SLC30A2: variants seen among roughly 807,000 people sequenced by gnomAD.
The protein encoded by SLC30A2 is proton-coupled zinc antiporter SLC30A2.
In SLC30A2, 19 loss-of-function variants were observed where a neutral mutation model predicts 39.6. That is an observed-to-expected ratio of 0.48 (90% CI 0.34 to 0.70). SLC30A2 has a LOEUF of 0.70. Among genes scored for constraint, SLC30A2 ranks in the 30% least tolerant of loss-of-function variants. The pLI is 0.01. For missense variants in SLC30A2, 387 were observed against 479.4 expected, an observed-to-expected ratio of 0.81 and a Z score of 1.80; for synonymous variants, 195 against 194.8, an observed-to-expected ratio of 1.00 and a Z score of -0.01.
chr1:26,041,071 T>C (rs2050392067), intron 6 of SLC30A2, among the ~76,000 whole-genome samples: 1 of 151,616 alleles, frequency 6.6e-6, no homozygotes, highest in Non-Finnish European at 1.5e-5. Context: ...CACTCTAGCT[T>C]GGATGACAGA....
In SLC30A2 at chr1:26,039,063, C is replaced by G; in HGVS notation, c.*97G>C. The stretch of plus-strand genomic sequence containing the variant: ...CAGGAGGGGGACCTGGTTTACAACA[C>G]AGCTGGGGTAGGCAAAGTCCTGGCT... On this transcript the variant is annotated 3_prime_UTR_variant, in exon 8 of 8. Coordinates refer to ENST00000374276, the MANE Select transcript of SLC30A2 (RefSeq NM_001004434.3). The surrounding 1 kb of genome is among the most constrained non-coding windows in gnomAD (Gnocchi z 4.3). 5 of 1,538,484 alleles carry G rather than the reference C, an allele frequency of 3.2e-6. No homozygotes were observed. Among genetic ancestry groups the G allele is most frequent in the Non-Finnish European group, 4.4e-6 (5 of 1,137,270 alleles).
rs199594277 is a variant in SLC30A2 at position 26,043,480 on chromosome 1, C to G, written c.490G>C (p.Glu164Gln). ...VTGVLVYLAV[E>Q]RLISGDYEID... is the part of the protein sequence containing the mutation. ...TCATAGTCCCCAGAGATCAGCCGCT[C>G]CACAGCCAGGTACACCAGTACCCCC... The change falls in exon 4 of 8, where the codon GAG becomes CAG. Residue 164 changes from glutamate to glutamine, a missense_variant. By Grantham distance (29) the Glu-to-Gln change is conservative. Coordinates refer to ENST00000374276, the MANE Select transcript of SLC30A2 (RefSeq NM_001004434.3). The G allele has an allele frequency of 4.3e-6, 7 of 1,614,152 alleles. No individual in the cohort carries two copies. In the African/African-American group the frequency reaches 9.3e-5, roughly 22 times the overall value.
Position 26,039,185 on chromosome 1 carries a change from T to C in SLC30A2, c.1094A>G (p.Gln365Arg). ...TCAGTCTGAGGGGCCCTGGCATGCC[T>C]GACAGTCCTTCATGTCCTCCGAGTA... ...EDYSEDMKDC[Q>R]ACQGPSD The change falls in exon 8 of 8, where the codon CAG becomes CGG. Residue 365 changes from glutamine (Q) to arginine (R), a missense_variant. Physicochemically the swap from Gln to Arg is conservative, Grantham distance 43. Coordinates refer to ENST00000374276, the MANE Select transcript of SLC30A2 (RefSeq NM_001004434.3). This position sits in a 1 kb window ranked among gnomAD's most constrained non-coding sequence, Gnocchi z 4.3. 1 of 1,614,068 alleles carries C rather than the reference T, an allele frequency of 6.2e-7. No homozygotes were observed. Among genetic ancestry groups the C allele is most frequent in the Non-Finnish European group, 8.5e-7 (1 of 1,179,932 alleles).
At position 26,045,054 on chromosome 1, in the gene SLC30A2, G is replaced by T. The variant is rs779800415; in HGVS notation, c.214C>A (p.Arg72Ser). ...ATGGCAGAGGCTACATACAGCTGGC[G>T]CTGGGCCTTCCCCTTCTTGGGGTCA... ...HCDPKKGKAQ[R>S]QLYVASAICL... Residue 72 changes from arginine (R) to serine (S), a missense_variant, in exon 2 of 8, where the codon CGC becomes AGC. Physicochemically the swap from Arg to Ser is moderately radical, Grantham distance 110 (BLOSUM62 -1). Transcript: ENST00000374276. 4 of 1,614,120 alleles carry T rather than the reference G, an allele frequency of 2.5e-6. No individual in the cohort carries two copies. Among genetic ancestry groups the T allele is most frequent in the African/African-American group, 2.7e-5 (2 of 74,940 alleles).
In SLC30A2 at chr1:26,043,385, G is replaced by C; in HGVS notation, c.572+13C>G. Reference sequence around the variant, plus strand: ...GGAGGAGGGGAGACGAGGGAAACTGGGGCCCCACTCACATGATGTTCACAG... The same window carrying C: ...GGAGGAGGGGAGACGAGGGAAACTGCGGCCCCACTCACATGATGTTCACAG... On this transcript the variant is annotated intron_variant, in intron 4 of 7. Coordinates refer to ENST00000374276, the MANE Select transcript of SLC30A2 (RefSeq NM_001004434.3). The C allele has an allele frequency of 6.2e-7, 1 of 1,610,630 alleles. No homozygotes were observed. The highest frequency in any genetic ancestry group is 8.5e-7 in the Non-Finnish European group (1 of 1,177,524).
intron 6 of SLC30A2, among the ~76,000 whole-genome samples, chr1:26,040,277 C>G (rs2050381956): frequency 6.6e-6 from 1 of 152,040 alleles, no homozygotes; most frequent in South Asian, 2.1e-4. Context: ...GAGACGGAAT[C>G]TTGCTCTGTC....
intron 2 of SLC30A2, 78 bp downstream of exon 2, chr1:26,044,919 G>A: frequency 8.5e-7 from 1 of 1,175,712 alleles, no homozygotes; most frequent in South Asian, 1.3e-5. Flanking sequence ...AGTAATTGGG[G>A]CTTTTAGTGT....
intron 1 of SLC30A2, 119 bp downstream of exon 1, chr1:26,045,728 C>CGG: frequency 6.6e-7 from 1 of 1,510,428 alleles, no homozygotes; most frequent in South Asian, 1.2e-5. Flanking sequence ...CCTCACCCCA[C>CGG]CCCTCCTGCA....
intron 2 of SLC30A2, 125 bp downstream of exon 2, chr1:26,044,872 A>T: frequency 1.3e-6 from 1 of 764,316 alleles, no homozygotes; most frequent in South Asian, 1.6e-5. Context: ...CCTGCATCAG[A>T]TAATGTGTAT....
Position 26,039,928 on chromosome 1 carries a change from CA to C in SLC30A2, c.839-18del, listed in dbSNP as rs777572109. The C allele has an allele frequency of 1.5e-5, 25 of 1,613,762 alleles. No homozygotes were observed. The highest frequency in any genetic ancestry group is 2.7e-5 in the African/African-American group (2 of 74,904). On this transcript the variant is annotated intron_variant, in intron 6 of 7. Coordinates refer to ENST00000374276, the MANE Select transcript of SLC30A2 (RefSeq NM_001004434.3). The surrounding 1 kb of genome is among the most constrained non-coding windows in gnomAD (Gnocchi z 4.3). Reference sequence around the variant, plus strand: ...TGGGGGTCCCTGAGGACGGCAAGGACAGGGGAAACTAAAGGAAACTACCCCT... The same window carrying C: ...TGGGGGTCCCTGAGGACGGCAAGGACGGGGAAACTAAAGGAAACTACCCCT...
intron 1 of SLC30A2, chr1:26,045,531 C>G (rs539849450): frequency 1.7e-6 from 1 of 594,538 alleles, no homozygotes; most frequent in African/African-American, 1.9e-5. Flanking sequence ...CCCTCCAGCG[C>G]ACTTGGGACA....
Position 26,039,546 on chromosome 1 carries a change from G to C in SLC30A2, c.973+231C>G, listed in dbSNP as rs1427503142. On this transcript the variant is annotated intron_variant, in intron 7 of 7. Coordinates refer to ENST00000374276, the MANE Select transcript of SLC30A2 (RefSeq NM_001004434.3). This position sits in a 1 kb window ranked among gnomAD's most constrained non-coding sequence, Gnocchi z 4.3. ...ATCTGCCACCTACTGCCATATACTA[G>C]CTGTAAAAGCCTGGGCAAGTAACTT... Among the ~76,000 whole-genome samples the C allele has an allele frequency of 6.6e-6, 1 of 152,252 alleles. No individual in the cohort carries two copies. The highest frequency in any genetic ancestry group is 1.9e-4 in the East Asian group (1 of 5,204).
rs1176068928 is a variant in SLC30A2, at chr1:26,038,200, G to A, written c.*960C>T. The A allele has an allele frequency of 6.6e-6, 1 of 152,196 alleles. No homozygotes were observed. Among genetic ancestry groups the A allele is most frequent in the Non-Finnish European group, 1.5e-5 (1 of 68,046 alleles). 9.4% of individuals were successfully genotyped at this position (152,196 alleles called of 1,614,324 possible). A position where few individuals can be genotyped will look rare whatever the true frequency, so the allele number is the denominator to read the frequency against. On this transcript the variant is annotated 3_prime_UTR_variant, in exon 8 of 8. Coordinates refer to ENST00000374276, the MANE Select transcript of SLC30A2 (RefSeq NM_001004434.3). ...GGGCATGTTGTCTCGATGAGTCGGG[G>A]ACAGGTTTCCCCTCTTGCATCTTGT...
chr1:26,044,297 C>A lies in SLC30A2; in HGVS notation c.418+1G>T. On this transcript the variant is annotated splice_donor_variant, in intron 3 of 7. Coordinates refer to ENST00000374276, the MANE Select transcript of SLC30A2 (RefSeq NM_001004434.3). LOFTEE classifies it high-confidence loss of function. ...ATCTCCAGCCAAACCGCGATCCTCA[C>A]CAGCTCTCTGCCAGCCAAAGTTCAT... is the stretch of plus-strand genomic sequence containing the variant. 9 of 1,614,012 alleles carry A rather than the reference C, an allele frequency of 5.6e-6. No homozygotes were observed. Among genetic ancestry groups the A allele is most frequent in the Non-Finnish European group, 7.6e-6 (9 of 1,179,948 alleles).
At chr1:26,044,759 C>T (rs115388280) in intron 2 of SLC30A2, among the ~76,000 whole-genome samples, 2,021 of 152,314 alleles carry the variant, frequency 0.013, 49 homozygotes, top group African/African-American at 0.045. Context: ...ACGAGTTGTG[C>T]GTGATCTTTG....
Position 26,044,692 on chromosome 1 carries a change from A to G in SLC30A2, c.272-248T>C, listed in dbSNP as rs560402346. On this transcript the variant is annotated intron_variant, in intron 2 of 7. Transcript: ENST00000374276. ...CAAGTTCAAATAGGGACTGGAAAAC[A>G]TAGCAGATACTCAGTAAATGCTCTT... Among the ~76,000 whole-genome samples the G allele has an allele frequency of 5.9e-5, 9 of 152,356 alleles. No homozygotes were observed. In the South Asian group the frequency reaches 1.9e-3, roughly 32 times the overall value.
intron 4 of SLC30A2, 135 bp from the exon 5 acceptor site, chr1:26,042,843 A>G (rs2050414270): frequency 4.0e-6 from 3 of 745,716 alleles, no homozygotes; most frequent in Admixed American, 2.7e-5. Flanking sequence ...GAGAAGTCCA[A>G]CCCACGTGGC....
chr1:26,043,630 TC>T, intron 3 of SLC30A2, 79 bp from the exon 4 acceptor site: 1 of 1,442,608 alleles, frequency 6.9e-7, no homozygotes, highest in Non-Finnish European at 9.4e-7. Context: ...TTCAGGATCC[TC>T]CCCACCCACC....
chr1:26,044,862 C>A (rs1021177315), intron 2 of SLC30A2, 135 bp downstream of exon 2: 9 of 721,736 alleles, frequency 1.2e-5, no homozygotes, highest in Non-Finnish European at 1.9e-5. Flanking sequence ...TGTTGTTAGA[C>A]CTGCATCAGA....
Sources: allele counts gnomAD v4.1 joint callset (sites outside exome capture counted in the v4.1 genomes callset), GRCh38; gene constraint gnomAD v4.1.1; non-coding constraint Gnocchi (gnomAD v3.1); transcripts MANE v1.5; gene names NCBI Gene and HGNC (gene_info 2026-07-23, HGNC 2026-07-21).